Variants in CDH12 observed in about 807,000 individuals in gnomAD.
The protein encoded by CDH12 is cadherin 12.
CDH12 carries 41 observed loss-of-function variants against 74.1 expected under a neutral mutation model. That is an observed-to-expected ratio of 0.55 (90% CI 0.43 to 0.72). CDH12 has a LOEUF of 0.72. Among genes scored for constraint, CDH12 ranks in the 30% least tolerant of loss-of-function variants. CDH12 has a pLI of 0.00. For missense variants in CDH12, 945 were observed against 977.2 expected (o/e 0.97, Z 0.44); for synonymous variants, 399 against 355.0 (o/e 1.12, Z -1.39).
intron 8 of CDH12, among the ~76,000 whole-genome samples, chr5:21,837,564 G>C (rs1240041451): frequency 6.7e-6 from 1 of 149,722 alleles, no homozygotes; most frequent in African/African-American, 2.5e-5. Flanking sequence ...AATAGATTTT[G>C]TTGACTTCCA....
At chr5:22,693,931 T>G (rs188485662) in intron 1 of CDH12, among the ~76,000 whole-genome samples, 2,047 of 151,712 alleles carry the variant, frequency 0.013, 44 homozygotes, top group African/African-American at 0.048. Context: ...AAAAAAAAAA[T>G]TATTTATTTA....
intron 6 of CDH12, among the ~76,000 whole-genome samples, chr5:21,856,485 A>C (rs1027859113): frequency 2.6e-5 from 4 of 151,836 alleles, no homozygotes; most frequent in Non-Finnish European, 5.9e-5. Flanking sequence ...ACAAATAGGA[A>C]ATTAAAATAT....
At chr5:22,151,507 T>C (rs1747580573) in intron 4 of CDH12, among the ~76,000 whole-genome samples, 2 of 152,132 alleles carry the variant, frequency 1.3e-5, no homozygotes, top group Non-Finnish European at 2.9e-5. Context: ...CTCAAGAGAT[T>C]AAATCACCAA....
intron 5 of CDH12, among the ~76,000 whole-genome samples, chr5:22,054,094 T>A (rs1375085046): frequency 2.0e-5 from 3 of 152,080 alleles, no homozygotes; most frequent in Non-Finnish European, 4.4e-5. Flanking sequence ...GTTTTTACTC[T>A]CCTCCCTGGT....
intron 2 of CDH12, among the ~76,000 whole-genome samples, chr5:22,439,945 A>G (rs1256328232): frequency 6.6e-6 from 1 of 151,988 alleles, no homozygotes; most frequent in Non-Finnish European, 1.5e-5. Flanking sequence ...TCCTCTATAT[A>G]TTTACACTTA....
intron 2 of CDH12, among the ~76,000 whole-genome samples, chr5:22,420,116 T>G (rs901859045): frequency 6.6e-6 from 1 of 152,152 alleles, no homozygotes; most frequent in Non-Finnish European, 1.5e-5. Context: ...TCTCCTATTC[T>G]GTAGGTTGTC....
chr5:22,439,653 A>C (rs1046603494), intron 2 of CDH12, among the ~76,000 whole-genome samples: 1 of 152,106 alleles, frequency 6.6e-6, no homozygotes, highest in African/African-American at 2.4e-5. Flanking sequence ...AAGCACTCAG[A>C]AAACCTGAGG....
At chr5:22,528,623 A>G (rs1001639293) in intron 1 of CDH12, among the ~76,000 whole-genome samples, 2 of 152,108 alleles carry the variant, frequency 1.3e-5, no homozygotes, top group Non-Finnish European at 2.9e-5. Flanking sequence ...TGGAAATTTA[A>G]ATTCCTAAGC....
intron 1 of CDH12, among the ~76,000 whole-genome samples, chr5:22,770,218 T>A (rs11952980): frequency 0.48 from 72,547 of 151,752 alleles, 17,460 homozygotes; most frequent in East Asian, 0.56. Flanking sequence ...GAGAAAGAAA[T>A]CTGAAACCTC....
At chr5:22,052,601 AT>A (rs564278405) in intron 5 of CDH12, among the ~76,000 whole-genome samples, 2 of 151,774 alleles carry the variant, frequency 1.3e-5, no homozygotes, top group East Asian at 1.9e-4. Context: ...CATTTTACTC[AT>A]TTTTTTTGAT....
intron 4 of CDH12, among the ~76,000 whole-genome samples, chr5:22,087,213 C>A: frequency 6.6e-6 from 1 of 152,016 alleles, no homozygotes; most frequent in East Asian, 1.9e-4. Context: ...TGGTTATTCA[C>A]CTGTAAGAAG....
intron 3 of CDH12, among the ~76,000 whole-genome samples, chr5:22,297,252 C>T (rs922915797): frequency 1.3e-5 from 2 of 152,122 alleles, no homozygotes; most frequent in East Asian, 1.9e-4. Context: ...AACTCCCGAC[C>T]TCAGGTGATG....
intron 3 of CDH12, among the ~76,000 whole-genome samples, chr5:22,344,382 T>C (rs773430979): frequency 6.6e-6 from 1 of 152,216 alleles, no homozygotes; most frequent in Non-Finnish European, 1.5e-5. Context: ...ATACCAGGGC[T>C]TATTTGAATG....
chr5:22,790,100 C>T (rs1050556781), intron 1 of CDH12, among the ~76,000 whole-genome samples: 1 of 152,066 alleles, frequency 6.6e-6, no homozygotes, highest in South Asian at 2.1e-4. Context: ...GAGAAAAGTA[C>T]ATCTTCCGAA....
intron 1 of CDH12, among the ~76,000 whole-genome samples, chr5:22,828,849 A>G (rs997310243): frequency 5.9e-5 from 9 of 152,182 alleles, no homozygotes; most frequent in African/African-American, 2.2e-4. Context: ...TGAACATGAT[A>G]GTTGTATGTT....
intron 2 of CDH12, among the ~76,000 whole-genome samples, chr5:22,448,915 A>C (rs1002681685): frequency 3.9e-5 from 6 of 152,020 alleles, no homozygotes; most frequent in Non-Finnish European, 4.4e-5. Flanking sequence ...GTCAATAAAA[A>C]CTAAGTGCAA....
intron 1 of CDH12, among the ~76,000 whole-genome samples, chr5:22,841,532 G>A (rs1309894638): frequency 6.6e-6 from 1 of 152,132 alleles, no homozygotes; most frequent in Non-Finnish European, 1.5e-5. Flanking sequence ...ATATATATTT[G>A]GGAGTTTTCA....
chr5:22,146,093 G>A (rs946390932), intron 4 of CDH12, among the ~76,000 whole-genome samples: 5 of 151,972 alleles, frequency 3.3e-5, no homozygotes, highest in Admixed American at 2.6e-4. Context: ...CCTGTAAAAT[G>A]AGCAACATTT....
intron 6 of CDH12, among the ~76,000 whole-genome samples, chr5:21,937,512 A>G (rs1755126015): frequency 6.6e-6 from 1 of 152,224 alleles, no homozygotes; most frequent in Non-Finnish European, 1.5e-5. Context: ...CTAAAGTTCA[A>G]TTGGATGAAG....
Sources: allele counts gnomAD v4.1 joint callset (sites outside exome capture counted in the v4.1 genomes callset), GRCh38; gene constraint gnomAD v4.1.1; transcripts MANE v1.5; gene names NCBI Gene and HGNC (gene_info 2026-07-23, HGNC 2026-07-21).